USP9X: variants seen among roughly 807,000 people sequenced by gnomAD.
USP9X encodes the protein ubiquitin carboxyl-terminal hydrolase 9X.
In USP9X, 7 loss-of-function variants were observed where a neutral mutation model predicts 190.3. The observed-to-expected ratio is 0.04, with a 90% CI of 0.02 to 0.07. The LOEUF is 0.07. Among genes scored for constraint, USP9X ranks in the 10% least tolerant of loss-of-function variants. The pLI, the probability that USP9X is intolerant of heterozygous loss-of-function variation, is 1.00. For missense variants in USP9X, 1,010 were observed against 1,916.9 expected, an observed-to-expected ratio of 0.53 and a Z score of 8.83; for synonymous variants, 645 against 659.5, an observed-to-expected ratio of 0.98 and a Z score of 0.34.
Position 41,149,400 on chromosome X carries a change from G to T in USP9X, c.1626+825G>T, listed in dbSNP as rs186964993. The stretch of plus-strand genomic sequence containing the variant: ...ACACATTCATTCATGAATAGTTACT[G>T]AGTTTCACTGAATTTAGTAGACTGT... On this transcript the variant is annotated intron_variant, in intron 12 of 44. Coordinates refer to ENST00000378308, the MANE Select transcript of USP9X (RefSeq NM_001039591.3). Among the ~76,000 whole-genome samples, 660 of 111,292 alleles carry T rather than the reference G, an allele frequency of 5.9e-3. 1 individual carries two copies. The highest frequency in any genetic ancestry group is 8.2e-3 in the African/African-American group (252 of 30,618).
chrX:41,154,701 A>C (rs2062561074), intron 14 of USP9X, among the ~76,000 whole-genome samples: 2 of 111,862 alleles, frequency 1.8e-5, no homozygotes, highest in Admixed American at 1.9e-4. Flanking sequence ...TAGGTCTGAA[A>C]CATGACCCAA....
chrX:41,093,708 A>G (rs1472941091), intron 1 of USP9X, among the ~76,000 whole-genome samples: 1 of 112,167 alleles, frequency 8.9e-6, no homozygotes, highest in Non-Finnish European at 1.9e-5. Context: ...CTTAAACCTT[A>G]CTGGATTAGG....
At position 41,146,228 on chromosome X, in the gene USP9X, C is replaced by T. The variant is rs369763316; in HGVS notation, c.1419+1602C>T. Among the ~76,000 whole-genome samples, 102 of 111,960 alleles carry T rather than the reference C, an allele frequency of 9.1e-4. No homozygotes were observed. In the South Asian group the frequency reaches 0.013, roughly 15 times the overall value. On this transcript the variant is annotated intron_variant, in intron 11 of 44. Coordinates refer to ENST00000378308, the MANE Select transcript of USP9X (RefSeq NM_001039591.3). ...TAATGGTCTGAATATAATAATAATTCTTCATGTTCTTCCCCCTTTGGCTTA... is the reference window on the plus strand; with the variant it reads ...TAATGGTCTGAATATAATAATAATTTTTCATGTTCTTCCCCCTTTGGCTTA...
chrX:41,161,155 C>A (rs1601984152), intron 14 of USP9X, among the ~76,000 whole-genome samples: 1 of 110,530 alleles, frequency 9.0e-6, no homozygotes, highest in East Asian at 2.8e-4. Context: ...TTTGGAAATA[C>A]TCATTGAAGT....
chrX:41,085,615 C>T lies in USP9X; in HGVS notation c.-653C>T. On this transcript the variant is annotated 5_prime_UTR_variant, in exon 1 of 45. Coordinates refer to ENST00000378308, the MANE Select transcript of USP9X (RefSeq NM_001039591.3). Reference sequence around the variant, plus strand: ...CGGGCCTCGCGGGAGCCCGCCGCCGCCGCCTCTCTCTCACGGGAGGCGGCC... The same window carrying T: ...CGGGCCTCGCGGGAGCCCGCCGCCGTCGCCTCTCTCTCACGGGAGGCGGCC... 1 of 286,990 alleles carries T rather than the reference C, an allele frequency of 3.5e-6. No individual in the cohort carries two copies. Among genetic ancestry groups the T allele is most frequent in the Non-Finnish European group, 6.1e-6 (1 of 163,354 alleles). 23.7% of individuals were successfully genotyped at this position (286,990 alleles called of 1,213,427 possible).
chrX:41,229,093 AAAAT>A (rs952484243), intron 41 of USP9X, 156 bp from the exon 42 acceptor site: 16 of 383,434 alleles, frequency 4.2e-5, no homozygotes, highest in African/African-American at 2.1e-4. Flanking sequence ...CGTCTCAAAA[AAAAT>A]AAATAAATAA....
intron 6 of USP9X, among the ~76,000 whole-genome samples, chrX:41,139,012 C>G (rs950092379): frequency 8.9e-6 from 1 of 112,394 alleles, no homozygotes; most frequent in Non-Finnish European, 1.9e-5. Context: ...TCTGAATATT[C>G]CCAATTGTTT....
chrX:41,209,842 A>G (rs1382553478), intron 32 of USP9X, among the ~76,000 whole-genome samples: 2 of 112,303 alleles, frequency 1.8e-5, no homozygotes, highest in African/African-American at 6.4e-5. Context: ...CTTGCTTAGA[A>G]CAAATACACT....
intron 32 of USP9X, 117 bp from the exon 33 acceptor site, chrX:41,210,392 C>T (rs920871422): frequency 6.0e-5 from 43 of 720,923 alleles, no homozygotes; most frequent in South Asian, 5.3e-4. Context: ...AATAAAATCT[C>T]GGTTTTATAT....
At chrX:41,193,273 T>C (rs1360840429) in intron 26 of USP9X, among the ~76,000 whole-genome samples, 2 of 111,538 alleles carry the variant, frequency 1.8e-5, no homozygotes, top group African/African-American at 6.5e-5. Flanking sequence ...AGCAGAGAAA[T>C]GATGTGCTCC....
chrX:41,140,808 T>C, intron 7 of USP9X, 37 bp downstream of exon 7: 1 of 1,124,771 alleles, frequency 8.9e-7, no homozygotes, highest in South Asian at 2.1e-5. Context: ...TAGTGCACCG[T>C]AGAATTGCTG....
At chrX:41,168,784 C>T (rs974909768) in intron 18 of USP9X, among the ~76,000 whole-genome samples, 7 of 112,434 alleles carry the variant, frequency 6.2e-5, no homozygotes, top group Admixed American at 1.9e-4. Context: ...GCGTGAGCTA[C>T]AGTGCCTGGC....
chrX:41,195,072 C>G (rs1386823224), intron 26 of USP9X, among the ~76,000 whole-genome samples: 1 of 99,183 alleles, frequency 1.0e-5, no homozygotes, highest in Non-Finnish European at 2.0e-5. Flanking sequence ...GATTCTTGCT[C>G]TGTCACCAGG....
At chrX:41,148,042 T>C (rs1458774721) in intron 11 of USP9X, among the ~76,000 whole-genome samples, 1 of 111,502 alleles carries the variant, frequency 9.0e-6, no homozygotes, top group Non-Finnish European at 1.9e-5. Flanking sequence ...CTCTACTCAC[T>C]AAATGCCATT....
At chrX:41,086,497 C>T (rs1461667719) in intron 1 of USP9X, among the ~76,000 whole-genome samples, 1 of 112,483 alleles carries the variant, frequency 8.9e-6, no homozygotes, top group Non-Finnish European at 1.9e-5. Context: ...GGCCGCCCCC[C>T]GCCCGGCGGC....
intron 36 of USP9X, 121 bp from the exon 37 acceptor site, chrX:41,218,251 G>C: frequency 1.5e-6 from 1 of 653,780 alleles, no homozygotes; most frequent in Non-Finnish European, 2.3e-6. Flanking sequence ...ACCTTTGCTG[G>C]TTCTCTCCAG....
intron 31 of USP9X, among the ~76,000 whole-genome samples, chrX:41,204,175 C>G (rs1228135537): frequency 1.8e-5 from 2 of 111,910 alleles, no homozygotes; most frequent in Non-Finnish European, 3.8e-5. Context: ...TTGCATTTAC[C>G]AAATGGTTAA....
chrX:41,116,248 C>T (rs1265823324), intron 1 of USP9X, among the ~76,000 whole-genome samples: 2 of 112,362 alleles, frequency 1.8e-5, no homozygotes, highest in Non-Finnish European at 3.8e-5. Flanking sequence ...CGTAAAACTT[C>T]ATGTGGTAAA....
chrX:41,197,331 T>TGC, intron 28 of USP9X, 33 bp from the exon 29 acceptor site: 39 of 486,736 alleles, frequency 8.0e-5, no homozygotes, highest in Non-Finnish European at 1.0e-4. Flanking sequence ...TTTGATTTCT[T>TGC]CCCCCCCCCA....
Sources: allele counts gnomAD v4.1 joint callset (sites outside exome capture counted in the v4.1 genomes callset), GRCh38; gene constraint gnomAD v4.1.1; transcripts MANE v1.5; gene names NCBI Gene and HGNC (gene_info 2026-07-23, HGNC 2026-07-21).